The following C1QTNF5 variants were observed in gnomAD, a reference collection of about 807,000 sequenced individuals.
C1QTNF5 encodes the protein complement C1q tumor necrosis factor-related protein 5.
In C1QTNF5, 5 loss-of-function variants were observed where a neutral mutation model predicts 10.9. The observed-to-expected ratio is 0.46, with a 90% CI of 0.24 to 0.97. The LOEUF is 0.97. Among genes scored for constraint, C1QTNF5 ranks in the 50% least tolerant of loss-of-function variants. The pLI is 0.19. For synonymous variants in C1QTNF5, 161 were observed against 156.5 expected, an observed-to-expected ratio of 1.03 and a Z score of -0.22; for missense variants, 281 against 339.4, an observed-to-expected ratio of 0.83 and a Z score of 1.35.
At chr11:119,346,147 C>A in the C1QTNF5 span, 10 of 1,593,296 alleles carry the variant, frequency 6.3e-6, no homozygotes, top group Admixed American at 1.1e-4. Flanking sequence ...CCGTAGCCCT[C>A]GAGGACGCCG....
At position 119,339,287 on chromosome 11, in the gene C1QTNF5, C is replaced by G; in HGVS notation, c.*44G>C. 2 of 1,589,684 alleles carry G rather than the reference C, an allele frequency of 1.3e-6. No individual in the cohort carries two copies. The highest frequency in any genetic ancestry group is 1.7e-6 in the Non-Finnish European group (2 of 1,166,152). The stretch of plus-strand genomic sequence containing the variant: ...GATGACCTGGTTGTCAGCCTCACAC[C>G]CTCCTTCTAGGAGTGAGAGCATGAG... On this transcript the variant is annotated 3_prime_UTR_variant, in exon 3 of 3. Transcript: ENST00000528368. The surrounding 1 kb of genome is among the most constrained non-coding windows in gnomAD (Gnocchi z 5.4).
At chr11:119,346,089 C>T in the C1QTNF5 span, 5 of 1,609,298 alleles carry the variant, frequency 3.1e-6, no homozygotes, top group Admixed American at 5.1e-5. Flanking sequence ...GCAGGAGGAG[C>T]AGGCTGGAGA....
upstream of C1QTNF5, chr11:119,343,967 G>T: frequency 6.2e-7 from 1 of 1,612,076 alleles, no homozygotes; most frequent in Non-Finnish European, 8.5e-7. Flanking sequence ...GTGCAGAGCT[G>T]GGGGAGGGCA....
upstream of C1QTNF5, chr11:119,345,022 G>T (rs1461541119): frequency 1.4e-5 from 22 of 1,597,454 alleles, no homozygotes; most frequent in Non-Finnish European, 1.7e-5. Context: ...AAGCCAGGTT[G>T]GGGGTGAGGG....
At chr11:119,340,017 C>T (rs1950484487) in intron 2 of C1QTNF5, among the ~76,000 whole-genome samples, 167 bp downstream of exon 2, 1 of 152,188 alleles carries the variant, frequency 6.6e-6, no homozygotes, top group African/African-American at 2.4e-5. Flanking sequence ...ATCTGGGGGG[C>T]TGGCCAAGGG....
Position 119,339,787 on chromosome 11 carries a change from G to A in C1QTNF5, c.276C>T (p.Thr92=), listed in dbSNP as rs559296874. Residue 92 remains threonine, a synonymous_variant, in exon 3 of 3, where the codon ACC becomes ACT. Transcript: ENST00000528368. The surrounding 1 kb of genome is among the most constrained non-coding windows in gnomAD (Gnocchi z 5.4). ...PRGEAGPAGP[T]GPAGECSVPP... is the part of the protein sequence containing the mutation. ...GCACCGAGCACTCCCCGGCAGGCCC[G>A]GTGGGCCCCGCGGGTCCCGCCTCTC... 11 of 1,515,154 alleles carry A rather than the reference G, an allele frequency of 7.3e-6. No homozygotes were observed. In the Admixed American group the frequency reaches 1.0e-4, roughly 14 times the overall value. 93.9% of individuals were successfully genotyped at this position (1,515,154 alleles called of 1,614,324 possible).
rs1449090715 is a variant in C1QTNF5, at chr11:119,339,250, C to G, written c.*81G>C. The G allele has an allele frequency of 4.0e-6, 6 of 1,494,992 alleles. No individual in the cohort carries two copies. Among genetic ancestry groups the G allele is most frequent in the Admixed American group, 2.0e-5 (1 of 50,456 alleles). The allele number at this position is 1,494,992 out of a possible 1,614,324, so 92.6% of individuals were successfully genotyped here. A position where few individuals can be genotyped will look rare whatever the true frequency, so the allele number is the denominator to read the frequency against. The stretch of plus-strand genomic sequence containing the variant: ...AGTCATTCACAATATTCCAGGGGGG[C>G]CAGCCCTCCTGGATGACCTGGTTGT... On this transcript the variant is annotated 3_prime_UTR_variant, in exon 3 of 3. Transcript: ENST00000528368. This position sits in a 1 kb window ranked among gnomAD's most constrained non-coding sequence, Gnocchi z 5.4.
upstream of C1QTNF5, chr11:119,345,758 GCC>G: frequency 6.2e-7 from 1 of 1,613,348 alleles, no homozygotes; most frequent in Non-Finnish European, 8.5e-7. Flanking sequence ...CGGAAGATCT[GCC>G]CCCAGTACTC....
the C1QTNF5 span, chr11:119,346,222 G>A: frequency 6.4e-7 from 1 of 1,569,494 alleles, no homozygotes; most frequent in South Asian, 1.2e-5. Context: ...TGCTGTCCTT[G>A]GCTCCTGGGC....
upstream of C1QTNF5, chr11:119,341,375 G>A (rs1950500823): frequency 6.5e-6 from 4 of 615,868 alleles, no homozygotes; most frequent in Non-Finnish European, 1.1e-5. Flanking sequence ...AAGGAGCAGG[G>A]AGGGTGGTAG....
At chr11:119,345,463 C>CA (rs1304665175), upstream of C1QTNF5, 3 of 1,613,962 alleles carry the variant, frequency 1.9e-6, no homozygotes, top group South Asian at 1.1e-5. Context: ...TCCAAGCGAT[C>CA]AAAAAGGCAA....
chr11:119,345,409 G>C, upstream of C1QTNF5: 1 of 1,613,466 alleles, frequency 6.2e-7, no homozygotes, highest in Non-Finnish European at 8.5e-7. Flanking sequence ...CCTGGGGACA[G>C]AGGGACCTAC....
chr11:119,345,460 G>C, upstream of C1QTNF5: 1 of 1,614,002 alleles, frequency 6.2e-7, no homozygotes, highest in Non-Finnish European at 8.5e-7. Context: ...AGTTCCAAGC[G>C]ATCAAAAAGG....
chr11:119,341,928 T>C, upstream of C1QTNF5: 1 of 1,613,716 alleles, frequency 6.2e-7, no homozygotes, highest in Non-Finnish European at 8.5e-7. Flanking sequence ...GGGAAGGCTG[T>C]GGTGTTGTAG....
chr11:119,342,520 A>G (rs1026941698), upstream of C1QTNF5: 16 of 1,577,152 alleles, frequency 1.0e-5, no homozygotes, highest in Non-Finnish European at 1.3e-5. Flanking sequence ...GGGATGGGAC[A>G]CTGTGCAGTA....
At chr11:119,344,059 GGA>G, upstream of C1QTNF5, 12 of 1,519,384 alleles carry the variant, frequency 7.9e-6, no homozygotes, top group Non-Finnish European at 1.1e-5. Context: ...CTGGCTGGGG[GGA>G]TGGGGTGGTG....
chr11:119,342,863 G>A (rs764657694), upstream of C1QTNF5: 1 of 1,613,076 alleles, frequency 6.2e-7, no homozygotes, highest in South Asian at 1.1e-5. Flanking sequence ...ACTTGCCCAG[G>A]GGCACCTACT....
chr11:119,344,643 G>A (rs765602698), upstream of C1QTNF5: 1 of 1,614,060 alleles, frequency 6.2e-7, no homozygotes, highest in Non-Finnish European at 8.5e-7. Flanking sequence ...CGAGAACTTG[G>A]CACTGCAATT....
At position 119,339,830 on chromosome 11, in the gene C1QTNF5, C is replaced by T. The variant is rs1391189829; in HGVS notation, c.233G>A (p.Gly78Glu). The stretch of plus-strand genomic sequence containing the variant: ...CGCCTCTCCTCGCGGCCCGGGGTCC[C>T]CTCGAGGTCCCGGCAGTCCTGCGGG... ...GGRPGLPGPR[G>E]DPGPRGEAGP... The change falls in exon 3 of 3, where the codon GGG becomes GAG. Residue 78 changes from glycine to glutamate, a missense_variant. Coordinates refer to ENST00000528368, the MANE Select transcript of C1QTNF5 (RefSeq NM_001278431.2). This position sits in a 1 kb window ranked among gnomAD's most constrained non-coding sequence, Gnocchi z 5.4. The T allele has an allele frequency of 6.6e-7, 1 of 1,505,924 alleles. No homozygotes were observed. The highest frequency in any genetic ancestry group is 1.4e-5 in the African/African-American group (1 of 72,170). The allele number at this position is 1,505,924 out of a possible 1,614,324, so 93.3% of individuals were successfully genotyped here. A position where few individuals can be genotyped will look rare whatever the true frequency, so the allele number is the denominator to read the frequency against.
Sources: allele counts gnomAD v4.1 joint callset (sites outside exome capture counted in the v4.1 genomes callset), GRCh38; gene constraint gnomAD v4.1.1; non-coding constraint Gnocchi (gnomAD v3.1); transcripts MANE v1.5; gene names NCBI Gene and HGNC (gene_info 2026-07-23, HGNC 2026-07-21).